GFI1B: variants seen among roughly 807,000 people sequenced by gnomAD.
GFI1B encodes the protein growth factor independent 1B transcriptional repressor.
GFI1B carries 20 observed loss-of-function variants against 35.3 expected under a neutral mutation model. The ratio of observed to expected loss-of-function variants is 0.57; its 90% CI spans 0.40 to 0.82. The LOEUF is 0.82. Ranked by LOEUF, GFI1B falls within the 40% of genes least tolerant of loss-of-function variation. The pLI is 0.00. For synonymous variants in GFI1B, 178 were observed against 177.6 expected (o/e 1.00, Z -0.02); for missense variants, 430 against 446.3 (o/e 0.96, Z 0.33).
At chr9:132,985,651 G>C (rs1230968106) in intron 1 of GFI1B, among the ~76,000 whole-genome samples, 2 of 152,142 alleles carry the variant, frequency 1.3e-5, no homozygotes, top group Non-Finnish European at 2.9e-5. Context: ...CCCCTCGTTT[G>C]CTGCAGCTTC....
chr9:132,949,950 C>CA (rs1307247929), intron 1 of GFI1B: 4 of 153,062 alleles, frequency 2.6e-5, no homozygotes, highest in Non-Finnish European at 5.8e-5. Context: ...CCCATCTCTA[C>CA]AAAAAATAAA....
intron 1 of GFI1B, among the ~76,000 whole-genome samples, chr9:132,957,486 C>G (rs967344624): frequency 3.9e-5 from 6 of 152,220 alleles, no homozygotes; most frequent in Non-Finnish European, 8.8e-5. Flanking sequence ...GACATACTAG[C>G]ATCTCCTCTG....
chr9:132,963,331 T>G (rs1848396819), intron 1 of GFI1B, among the ~76,000 whole-genome samples: 1 of 151,896 alleles, frequency 6.6e-6, no homozygotes, highest in Admixed American at 6.6e-5. Flanking sequence ...AATACAAAAA[T>G]TAGTGGCATG....
chr9:132,945,863 G>A (rs1848076508), intron 1 of GFI1B: 1 of 152,570 alleles, frequency 6.6e-6, no homozygotes, highest in Non-Finnish European at 1.5e-5. Context: ...AGTGTTGGGT[G>A]AGTTATGGGA....
chr9:132,953,915 C>T lies in GFI1B; in HGVS notation c.-701+8246C>T, dbSNP rs747619815. Among the ~76,000 whole-genome samples the T allele has an allele frequency of 9.2e-5, 14 of 151,868 alleles. 1 individual carries two copies. The highest frequency in any genetic ancestry group is 5.2e-4 in the Admixed American group (8 of 15,274). On this transcript the variant is annotated intron_variant, in intron 1 of 10. Transcript: ENST00000339463. The stretch of plus-strand genomic sequence containing the variant: ...CATGCCACCCTAACTCCAGCCTGGG[C>T]GACAGAGTGAGACTCCATCTCAAAA...
At chr9:132,973,446 CACAG>C (rs1230401511) in intron 2 of GFI1B, among the ~76,000 whole-genome samples, 10 of 152,230 alleles carry the variant, frequency 6.6e-5, no homozygotes, top group Non-Finnish European at 1.3e-4. Context: ...GCCCGTTGTC[CACAG>C]ACAGAGGACC....
intron 1 of GFI1B, among the ~76,000 whole-genome samples, chr9:132,957,959 A>G (rs1848307258): frequency 6.6e-6 from 1 of 152,158 alleles, no homozygotes; most frequent in Non-Finnish European, 1.5e-5. Context: ...AGTAGGTGTA[A>G]TTTTACAGGT....
At chr9:132,956,390 G>A (rs553427596) in intron 1 of GFI1B, among the ~76,000 whole-genome samples, 2 of 152,054 alleles carry the variant, frequency 1.3e-5, no homozygotes, top group Non-Finnish European at 2.9e-5. Flanking sequence ...TGCTTAGCAG[G>A]TAGACCAGAA....
intron 1 of GFI1B, among the ~76,000 whole-genome samples, chr9:132,981,834 C>T (rs1287039149): frequency 6.6e-6 from 1 of 152,164 alleles, no homozygotes; most frequent in Non-Finnish European, 1.5e-5. Context: ...CTCACCGCAA[C>T]CTCCGCCTTC....
chr9:132,983,874 A>C (rs948929779), intron 1 of GFI1B, among the ~76,000 whole-genome samples: 5 of 152,248 alleles, frequency 3.3e-5, no homozygotes, highest in Admixed American at 3.3e-4. Flanking sequence ...GCCTGGGGCC[A>C]GACAGACCCC....
intron 1 of GFI1B, among the ~76,000 whole-genome samples, chr9:132,967,604 G>A (rs2132605007): frequency 6.6e-6 from 1 of 152,262 alleles, no homozygotes; most frequent in African/African-American, 2.4e-5. Flanking sequence ...GACAACATTT[G>A]GGAACTATTG....
upstream of GFI1B, among the ~76,000 whole-genome samples, chr9:132,977,575 C>G (rs1354394226): frequency 6.6e-6 from 1 of 152,196 alleles, no homozygotes; most frequent in Non-Finnish European, 1.5e-5. Flanking sequence ...GACAAAGCAG[C>G]CTAACAGTGC....
At chr9:132,970,773 GCTC>G (rs1320319832) in intron 1 of GFI1B, among the ~76,000 whole-genome samples, 1 of 152,068 alleles carries the variant, frequency 6.6e-6, no homozygotes, top group African/African-American at 2.4e-5. Flanking sequence ...ACTTTCATTC[GCTC>G]CTCCTTCATC....
At chr9:132,985,603 T>TGGCTTGC (rs1849018767) in intron 1 of GFI1B, among the ~76,000 whole-genome samples, 2 of 152,170 alleles carry the variant, frequency 1.3e-5, no homozygotes, top group African/African-American at 4.8e-5. Context: ...CTGGCGGCTG[T>TGGCTTGC]GGCTTGCGGC....
intron 1 of GFI1B, among the ~76,000 whole-genome samples, chr9:132,957,137 C>T (rs1479878997): frequency 1.3e-5 from 2 of 152,222 alleles, no homozygotes; most frequent in African/African-American, 2.4e-5. Context: ...TTACTGCTCA[C>T]ACCCAATGAG....
rs1258239373 is a variant in GFI1B at position 132,989,998 on chromosome 9, G to T, written c.814+91G>T. 7 of 1,176,042 alleles carry T rather than the reference G, an allele frequency of 6.0e-6. No homozygotes were observed. The highest frequency in any genetic ancestry group is 5.9e-5 in the Admixed American group (3 of 50,516). The allele number at this position is 1,176,042 out of a possible 1,614,324, so 72.9% of individuals were successfully genotyped here. A position where few individuals can be genotyped will look rare whatever the true frequency, so the allele number is the denominator to read the frequency against. ...TCAGAGGCCCCCAGCGTGAGGCTGG[G>T]GGCGGGGTCTAGTTACAAAGTCAAA... On this transcript the variant is annotated intron_variant, in intron 6 of 6. Coordinates refer to ENST00000372122, the MANE Select transcript of GFI1B (RefSeq NM_001377304.1). This position sits in a 1 kb window ranked among gnomAD's most constrained non-coding sequence, Gnocchi z 6.2.
At chr9:132,976,931 A>G (rs934539102), upstream of GFI1B, among the ~76,000 whole-genome samples, 1 of 152,054 alleles carries the variant, frequency 6.6e-6, no homozygotes, top group African/African-American at 2.4e-5. Flanking sequence ...TACAAAGCCA[A>G]CTCCTGTCTC....
rs565151828 is a variant in GFI1B at position 132,952,715 on chromosome 9, T to G, written c.-701+7046T>G. On this transcript the variant is annotated intron_variant, in intron 1 of 10. Transcript: ENST00000339463. ...CAGTAGTGGTGATATTAGGCATCTA[T>G]TCATTATTCCCAATCTTCAAGGAAA... 24 of 152,356 alleles carry G rather than the reference T, an allele frequency of 1.6e-4. No individual in the cohort carries two copies. In the South Asian group the frequency reaches 4.8e-3, roughly 30 times the overall value. 9.4% of individuals were successfully genotyped at this position (152,356 alleles called of 1,614,324 possible).
At chr9:132,945,824 C>T (rs1451056586) in intron 1 of GFI1B, 1 of 153,386 alleles carries the variant, frequency 6.5e-6, no homozygotes, top group East Asian at 1.9e-4. Context: ...GCAGAGGGAA[C>T]CAAAGGAGCA....
Sources: gnomAD v4.1 joint callset for allele counts (sites outside exome capture counted in the v4.1 genomes callset) on GRCh38, gnomAD v4.1.1 for gene constraint, Gnocchi (gnomAD v3.1) non-coding constraint, MANE v1.5 for transcripts, NCBI Gene and HGNC (gene_info 2026-07-23, HGNC 2026-07-21) for gene names.